HOPX: variants seen among roughly 807,000 people sequenced by gnomAD.
HOPX encodes the protein HOP homeobox.
A neutral mutation model predicts 11.8 loss-of-function variants in HOPX; 5 were observed. The observed-to-expected ratio is 0.43, with a 90% CI of 0.22 to 0.89. The LOEUF (loss-of-function observed/expected upper bound fraction) is 0.89, where lower values mean the gene tolerates loss of function less well. Ranked by LOEUF, HOPX falls within the 40% of genes least tolerant of loss-of-function variation. HOPX has a pLI of 0.28. For synonymous variants in HOPX, 49 were observed against 49.7 expected (o/e 0.99, Z 0.06); for missense variants, 119 against 120.0 (o/e 0.99, Z 0.04).
chr4:56,651,349 A>G (rs1161945304), intron 3 of HOPX: 1 of 152,598 alleles, frequency 6.6e-6, no homozygotes, highest in Admixed American at 6.5e-5. Flanking sequence ...AAGTATATAT[A>G]TAATAATTTA....
intron 1 of HOPX, among the ~76,000 whole-genome samples, chr4:56,668,400 C>G (rs374063464): frequency 1.3e-5 from 2 of 152,198 alleles, no homozygotes; most frequent in African/African-American, 4.8e-5. Context: ...ATCCTTCTAC[C>G]CAAGGCACAA....
At chr4:56,656,567 C>T (rs1361414174) in intron 2 of HOPX, 3 of 713,284 alleles carry the variant, frequency 4.2e-6, no homozygotes, top group African/African-American at 2.0e-5. Context: ...CAGGGCTGCA[C>T]ACCCCACCCT....
At chr4:56,650,786 T>A (rs1411248072) in intron 3 of HOPX, 1 of 1,550,408 alleles carries the variant, frequency 6.4e-7, no homozygotes, top group Non-Finnish European at 8.7e-7. Context: ...GGTGCCATAT[T>A]TTGCTCCTGG....
At chr4:56,650,766 C>T (rs1717093911) in intron 3 of HOPX, 1 of 1,550,974 alleles carries the variant, frequency 6.4e-7, no homozygotes, top group Non-Finnish European at 8.7e-7. Context: ...TCTTTGGGGG[C>T]TACTTTCTGG....
intron 1 of HOPX, among the ~76,000 whole-genome samples, chr4:56,674,903 A>AC (rs1560375561): frequency 1.1e-4 from 14 of 124,356 alleles, no homozygotes; most frequent in African/African-American, 4.7e-4. Context: ...GTGTGCCACT[A>AC]TGTCTGGCTA....
intron 2 of HOPX, chr4:56,656,271 G>A (rs972812127): frequency 3.9e-5 from 46 of 1,165,100 alleles, no homozygotes; most frequent in Non-Finnish European, 4.8e-5. Flanking sequence ...CGCGCCCCCC[G>A]GGACCCCTTG....
In HOPX at chr4:56,648,035, T is replaced by C. The variant is rs1277546633; in HGVS notation, c.*685A>G. 1 of 152,058 alleles carries C rather than the reference T, an allele frequency of 6.6e-6. No individual in the cohort carries two copies. Among genetic ancestry groups the C allele is most frequent in the Non-Finnish European group, 1.5e-5 (1 of 68,030 alleles). The allele number at this position is 152,058 out of a possible 1,614,324, so 9.4% of individuals were successfully genotyped here. A position where few individuals can be genotyped will look rare whatever the true frequency, so the allele number is the denominator to read the frequency against. On this transcript the variant is annotated 3_prime_UTR_variant, in exon 4 of 4. Transcript: ENST00000420433. ...TTAAGGTTTTATTTAGAATATCATT[T>C]TAGAGACAAAAAGCAGTTCACTTTA...
At chr4:56,650,481 G>A (rs1304596162) in intron 3 of HOPX, 1 of 555,350 alleles carries the variant, frequency 1.8e-6, no homozygotes, top group Admixed American at 3.3e-5. Context: ...AAGAAAGTGT[G>A]AGAATCACAG....
At chr4:56,667,124 T>C (rs967106325) in intron 1 of HOPX, among the ~76,000 whole-genome samples, 4 of 152,348 alleles carry the variant, frequency 2.6e-5, no homozygotes, top group East Asian at 3.9e-4. Context: ...AGAATTGTCA[T>C]TGAAACATTG....
chr4:56,668,163 G>C (rs1023409087), intron 1 of HOPX, among the ~76,000 whole-genome samples: 1 of 152,192 alleles, frequency 6.6e-6, no homozygotes, highest in African/African-American at 2.4e-5. Flanking sequence ...GACCTCAGGT[G>C]ATCCAACCGC....
intron 1 of HOPX, chr4:56,665,328 T>G (rs928232676): frequency 6.6e-6 from 1 of 152,244 alleles, no homozygotes; most frequent in African/African-American, 2.4e-5. Context: ...CTATGGGGGA[T>G]GTGTCATTTC....
chr4:56,656,174 G>C, intron 2 of HOPX, 162 bp from the exon 3 acceptor site: 1 of 1,113,904 alleles, frequency 9.0e-7, no homozygotes, highest in South Asian at 2.8e-5. Flanking sequence ...GCTGAGCGGG[G>C]GCTTACGGCT....
At chr4:56,666,894 C>A (rs887836066) in intron 1 of HOPX, among the ~76,000 whole-genome samples, 3 of 152,070 alleles carry the variant, frequency 2.0e-5, no homozygotes, top group East Asian at 3.8e-4. Context: ...AGATACTAAA[C>A]TGCTATATAT....
At chr4:56,671,909 A>C (rs1255484941) in intron 1 of HOPX, among the ~76,000 whole-genome samples, 1 of 152,052 alleles carries the variant, frequency 6.6e-6, no homozygotes, top group Non-Finnish European at 1.5e-5. Context: ...ATCATCTACT[A>C]TTGAAGCTAT....
chr4:56,672,252 C>T (rs916919946), intron 1 of HOPX, among the ~76,000 whole-genome samples: 1 of 151,770 alleles, frequency 6.6e-6, no homozygotes, highest in African/African-American at 2.4e-5. Flanking sequence ...AAGAAAATGA[C>T]ATTTGGCTGG....
chr4:56,651,853 A>G (rs1717198575), intron 3 of HOPX, among the ~76,000 whole-genome samples: 1 of 114,392 alleles, frequency 8.7e-6, no homozygotes, highest in Admixed American at 8.3e-5. Context: ...AAAGGGAGAG[A>G]GAGAAAGAGA....
chr4:56,678,125 G>T (rs1244999112), intron 1 of HOPX, among the ~76,000 whole-genome samples: 6 of 151,562 alleles, frequency 4.0e-5, no homozygotes, highest in Non-Finnish European at 8.8e-5. Context: ...GAAGGTGCTG[G>T]ATACCCTATC....
intron 1 of HOPX, chr4:56,678,948 C>T (rs2109560771): frequency 6.6e-6 from 1 of 152,228 alleles, no homozygotes; most frequent in South Asian, 2.1e-4. Context: ...TTTAGAAATG[C>T]TTTTACTTAT....
In HOPX at chr4:56,648,572, A is replaced by C; in HGVS notation, c.*148T>G. 1 of 503,780 alleles carries C rather than the reference A, an allele frequency of 2.0e-6. No homozygotes were observed. The highest frequency in any genetic ancestry group is 3.6e-6 in the Non-Finnish European group (1 of 278,044). The allele number at this position is 503,780 out of a possible 1,614,324, so 31.2% of individuals were successfully genotyped here. A position where few individuals can be genotyped will look rare whatever the true frequency, so the allele number is the denominator to read the frequency against. ...TTCTTTTCTAATTATGTACATTTAGAAAAAAAATACAACACTGTGTTAAAC... is the reference window on the plus strand; with the variant it reads ...TTCTTTTCTAATTATGTACATTTAGCAAAAAAATACAACACTGTGTTAAAC... On this transcript the variant is annotated 3_prime_UTR_variant, in exon 4 of 4. Coordinates refer to ENST00000420433, the MANE Select transcript of HOPX (RefSeq NM_032495.6).
Sources: gnomAD v4.1 joint callset for allele counts (sites outside exome capture counted in the v4.1 genomes callset) on GRCh38, gnomAD v4.1.1 for gene constraint, MANE v1.5 for transcripts, NCBI Gene and HGNC (gene_info 2026-07-23, HGNC 2026-07-21) for gene names.